Variants in BCAS4 observed in about 807,000 individuals in gnomAD.
The protein encoded by BCAS4 is breast carcinoma-amplified sequence 4.
A neutral mutation model predicts 15.7 loss-of-function variants in BCAS4; 9 were observed. The observed-to-expected ratio is 0.57, with a 90% confidence interval of 0.34 to 1.00. The LOEUF is 1.00. Ranked by LOEUF, BCAS4 falls within the 50% of genes least tolerant of loss-of-function variation. The pLI, the probability that BCAS4 is intolerant of heterozygous loss-of-function variation, is 0.02. For missense variants in BCAS4, 225 were observed against 239.1 expected (o/e 0.94, Z 0.39); for synonymous variants, 101 against 99.5 (o/e 1.02, Z -0.09).
chr20:50,813,867 C>T (rs2088103670), intron 1 of BCAS4, among the ~76,000 whole-genome samples: 1 of 151,706 alleles, frequency 6.6e-6, no homozygotes, highest in Admixed American at 6.6e-5. Context: ...ACCATCTCCA[C>T]TGGTCCTTCC....
chr20:50,806,122 G>A (rs768340560), intron 1 of BCAS4, among the ~76,000 whole-genome samples: 1 of 152,146 alleles, frequency 6.6e-6, no homozygotes, highest in Admixed American at 6.6e-5. Context: ...TTAAATGGAG[G>A]TGGCATCTCA....
In BCAS4 at chr20:50,851,207, C is replaced by T. The variant is rs1287790888; in HGVS notation, c.399+9307C>T. Among the ~76,000 whole-genome samples the T allele has an allele frequency of 2.0e-5, 3 of 152,174 alleles. No homozygotes were observed. Among genetic ancestry groups the T allele is most frequent in the Admixed American group, 6.5e-5 (1 of 15,282 alleles). Reference sequence around the variant, plus strand: ...CAAGAAGGGAGAGGAAATTGTGAGGCGCCTTCTCCCGGCCCTGAACCAGCC... The same window carrying T: ...CAAGAAGGGAGAGGAAATTGTGAGGTGCCTTCTCCCGGCCCTGAACCAGCC... On this transcript the variant is annotated intron_variant, in intron 4 of 4. Coordinates refer to ENST00000371608, the MANE Select transcript of BCAS4 (RefSeq NM_198799.4). The surrounding 1 kb of genome is among the most constrained non-coding windows in gnomAD (Gnocchi z 4.3).
intron 4 of BCAS4, among the ~76,000 whole-genome samples, chr20:50,859,052 G>GC (rs1375504265): frequency 9.2e-5 from 14 of 151,838 alleles, no homozygotes; most frequent in African/African-American, 3.1e-4. Context: ...TCCCACCTCA[G>GC]CCCCCCGCAA....
At chr20:50,864,040 C>T (rs982458863) in intron 4 of BCAS4, among the ~76,000 whole-genome samples, 2 of 152,228 alleles carry the variant, frequency 1.3e-5, no homozygotes, top group African/African-American at 2.4e-5. Flanking sequence ...TCCCTTGTTC[C>T]GTGCCCAGGG....
At chr20:50,821,103 G>A (rs2088209622) in intron 2 of BCAS4, among the ~76,000 whole-genome samples, 2 of 152,214 alleles carry the variant, frequency 1.3e-5, no homozygotes, top group Non-Finnish European at 2.9e-5. Flanking sequence ...TTGATACAGT[G>A]CTGGCTGCTC....
At chr20:50,833,885 A>G (rs1019043657) in intron 3 of BCAS4, among the ~76,000 whole-genome samples, 13 of 152,286 alleles carry the variant, frequency 8.5e-5, no homozygotes, top group African/African-American at 2.9e-4. Context: ...AGCACACACC[A>G]AGGGGTCCTG....
At chr20:50,818,308 G>T in intron 2 of BCAS4, 26 bp downstream of exon 2, 1 of 1,605,518 alleles carries the variant, frequency 6.2e-7, no homozygotes, top group Non-Finnish European at 8.5e-7. Flanking sequence ...GAAGGCGTGG[G>T]TTTAGGCCCA....
intron 1 of BCAS4, among the ~76,000 whole-genome samples, chr20:50,801,154 C>A (rs2087921871): frequency 6.6e-6 from 1 of 152,068 alleles, no homozygotes. Flanking sequence ...GGGCCGGGCG[C>A]CATGGCTCAT....
At chr20:50,873,819 G>T (rs903149501) in intron 4 of BCAS4, among the ~76,000 whole-genome samples, 1 of 152,204 alleles carries the variant, frequency 6.6e-6, no homozygotes, top group African/African-American at 2.4e-5. Flanking sequence ...TGGGCACAAC[G>T]TTCCATTCGC....
At chr20:50,882,022 G>T (rs6126115), downstream of BCAS4, 68,252 of 152,044 alleles carry the variant, frequency 0.45, 16,534 homozygotes, top group African/African-American at 0.65. Context: ...CCATTCTCAT[G>T]GGGGGGCAAT....
chr20:50,811,945 T>A (rs1313201291), intron 1 of BCAS4, among the ~76,000 whole-genome samples: 1 of 152,178 alleles, frequency 6.6e-6, no homozygotes. Context: ...GTAAGTGGAA[T>A]CATGTCATGC....
intron 2 of BCAS4, among the ~76,000 whole-genome samples, chr20:50,820,518 C>A (rs866972662): frequency 6.6e-6 from 1 of 152,128 alleles, no homozygotes; most frequent in African/African-American, 2.4e-5. Context: ...GGTGAAGGAT[C>A]GTGGTTGCGG....
At chr20:50,824,216 T>C (rs567881695) in intron 2 of BCAS4, among the ~76,000 whole-genome samples, 1 of 152,384 alleles carries the variant, frequency 6.6e-6, no homozygotes, top group Admixed American at 6.5e-5. Context: ...GCCCACCTTC[T>C]GCCAAGGAGC....
At chr20:50,828,470 C>CA (rs1173795190) in intron 2 of BCAS4, among the ~76,000 whole-genome samples, 4 of 151,230 alleles carry the variant, frequency 2.6e-5, no homozygotes, top group Non-Finnish European at 4.4e-5. Context: ...GTATAGTTTT[C>CA]AAAAAAAAAT....
intron 4 of BCAS4, among the ~76,000 whole-genome samples, chr20:50,865,063 A>C (rs1410023871): frequency 1.3e-5 from 2 of 152,180 alleles, no homozygotes; most frequent in African/African-American, 4.8e-5. Context: ...ACTGCACTCC[A>C]GCCTGGGCGA....
chr20:50,830,127 C>A, intron 2 of BCAS4, 152 bp from the exon 3 acceptor site: 2 of 633,232 alleles, frequency 3.2e-6, no homozygotes, highest in South Asian at 2.0e-5. Context: ...TCCCCTGGGG[C>A]TCTGAGTTGT....
At chr20:50,859,816 A>G (rs1029848128) in intron 4 of BCAS4, among the ~76,000 whole-genome samples, 6 of 152,196 alleles carry the variant, frequency 3.9e-5, no homozygotes, top group African/African-American at 1.4e-4. Context: ...TCTTTTGAGA[A>G]CATTGTAGAT....
chr20:50,835,957 G>A (rs984083067), intron 3 of BCAS4, among the ~76,000 whole-genome samples: 26 of 150,534 alleles, frequency 1.7e-4, no homozygotes, highest in South Asian at 8.5e-4. Flanking sequence ...TCGCTCTGTC[G>A]CCCAGGCTGG....
intron 4 of BCAS4, among the ~76,000 whole-genome samples, chr20:50,856,920 T>G (rs1978789735): frequency 6.6e-6 from 1 of 152,206 alleles, no homozygotes; most frequent in African/African-American, 2.4e-5. Flanking sequence ...TCCTTGTAAG[T>G]TAAACATTGA....
Sources: allele counts gnomAD v4.1 joint callset (sites outside exome capture counted in the v4.1 genomes callset), GRCh38; gene constraint gnomAD v4.1.1; non-coding constraint Gnocchi (gnomAD v3.1); transcripts MANE v1.5; gene names NCBI Gene and HGNC (gene_info 2026-07-23, HGNC 2026-07-21).